Variants in TRRAP observed in about 807,000 individuals in gnomAD.
The protein encoded by TRRAP is transformation/transcription domain-associated protein.
A neutral mutation model predicts 438.8 loss-of-function variants in TRRAP; 41 were observed. That is an observed-to-expected ratio of 0.09 (90% CI 0.07 to 0.12). The LOEUF is 0.12. Among genes scored for constraint, TRRAP ranks in the 10% least tolerant of loss-of-function variants. The pLI, the probability that TRRAP is intolerant of heterozygous loss-of-function variation, is 1.00. For synonymous variants in TRRAP, 1,994 were observed against 1,962.9 expected (o/e 1.02, Z -0.42); for missense variants, 3,122 against 5,055.1 (o/e 0.62, Z 11.60).
At chr7:98,964,828 A>T in intron 48 of TRRAP, 53 bp downstream of exon 48, 1 of 1,561,950 alleles carries the variant, frequency 6.4e-7, no homozygotes, top group Non-Finnish European at 8.7e-7. Flanking sequence ...AACAGAGAAC[A>T]GACTCTGTTG....
At chr7:98,960,283 C>G (rs1475102217) in intron 45 of TRRAP, among the ~76,000 whole-genome samples, 1 of 152,100 alleles carries the variant, frequency 6.6e-6, no homozygotes, top group African/African-American at 2.4e-5. Flanking sequence ...AAACCATGAT[C>G]CTGTGCTTTT....
chr7:98,963,736 C>T (rs940931455), intron 47 of TRRAP, among the ~76,000 whole-genome samples: 3 of 152,128 alleles, frequency 2.0e-5, no homozygotes, highest in African/African-American at 7.2e-5. Context: ...CCTGAAATCA[C>T]CTCATAACTG....
chr7:98,941,800 A>G (rs538795957), intron 30 of TRRAP, among the ~76,000 whole-genome samples: 1 of 152,288 alleles, frequency 6.6e-6, no homozygotes, highest in East Asian at 1.9e-4. Flanking sequence ...TCGGTGTTTC[A>G]TGAAGACCAG....
chr7:98,950,711 A>G (rs1554418057), intron 38 of TRRAP, among the ~76,000 whole-genome samples, 165 bp from the exon 39 acceptor site: 2 of 152,186 alleles, frequency 1.3e-5, no homozygotes, highest in African/African-American at 2.4e-5. Flanking sequence ...TTTTTAACCT[A>G]CCTTTCTAGT....
At chr7:98,913,415 A>G (rs1334852888) in intron 18 of TRRAP, among the ~76,000 whole-genome samples, 1 of 151,696 alleles carries the variant, frequency 6.6e-6, no homozygotes, top group African/African-American at 2.4e-5. Flanking sequence ...CAGCTTCGCC[A>G]GTAACTGGGA....
intron 6 of TRRAP, among the ~76,000 whole-genome samples, 181 bp downstream of exon 6, chr7:98,894,062 C>T (rs999708844): frequency 6.6e-6 from 1 of 152,160 alleles, no homozygotes. Context: ...ATTATCAATA[C>T]TTTGCTAAAT....
At chr7:98,895,024 T>A (rs1796139971) in intron 6 of TRRAP, among the ~76,000 whole-genome samples, 1 of 152,172 alleles carries the variant, frequency 6.6e-6, no homozygotes, top group Non-Finnish European at 1.5e-5. Context: ...AGCTTGATCA[T>A]GTTAAGTGTA....
At chr7:98,926,834 G>A (rs1443944455) in intron 22 of TRRAP, among the ~76,000 whole-genome samples, 1 of 151,632 alleles carries the variant, frequency 6.6e-6, no homozygotes, top group African/African-American at 2.4e-5. Context: ...TGGCCAATAT[G>A]GTGAAGTCCC....
At chr7:98,918,973 T>C (rs1332432592) in intron 20 of TRRAP, among the ~76,000 whole-genome samples, 1 of 150,682 alleles carries the variant, frequency 6.6e-6, no homozygotes, top group Non-Finnish European at 1.5e-5. Context: ...GGAGAATCGC[T>C]TAAACTGTCT....
At chr7:98,886,129 A>G (rs1562924778) in intron 3 of TRRAP, among the ~76,000 whole-genome samples, 2 of 152,194 alleles carry the variant, frequency 1.3e-5, no homozygotes, top group Non-Finnish European at 2.9e-5. Flanking sequence ...TACTCCAAAT[A>G]CAAAAATCTA....
chr7:98,879,200 C>A (rs781888599), intron 1 of TRRAP, among the ~76,000 whole-genome samples: 34 of 152,118 alleles, frequency 2.2e-4, no homozygotes, highest in Non-Finnish European at 3.8e-4. Flanking sequence ...GGCGCCAGCC[C>A]GGCCTGGGCC....
In TRRAP at chr7:98,881,095, T is replaced by C; in HGVS notation, c.-56T>C. The C allele has an allele frequency of 8.8e-6, 13 of 1,470,142 alleles. No homozygotes were observed. Among genetic ancestry groups the C allele is most frequent in the Non-Finnish European group, 1.1e-5 (12 of 1,075,424 alleles). The allele number at this position is 1,470,142 out of a possible 1,614,324, so 91.1% of individuals were successfully genotyped here. On this transcript the variant is annotated 5_prime_UTR_variant, in exon 2 of 73. Coordinates refer to ENST00000456197, the MANE Select transcript of TRRAP (RefSeq NM_001375524.1). ...CTCTATGCTTCTTTTCATAGGCTGG[T>C]TGAACTCATGGACCTGATACTTTTC...
At chr7:98,921,384 GT>G (rs1319118372) in intron 20 of TRRAP, among the ~76,000 whole-genome samples, 1 of 151,326 alleles carries the variant, frequency 6.6e-6, no homozygotes, top group Non-Finnish European at 1.5e-5. Context: ...CACTTTGAGG[GT>G]TTTTTTTGAC....
At chr7:98,947,223 G>A (rs1277090679) in intron 33 of TRRAP, among the ~76,000 whole-genome samples, 1 of 152,162 alleles carries the variant, frequency 6.6e-6, no homozygotes, top group African/African-American at 2.4e-5. Context: ...TGGAGCAACA[G>A]CAGCCCACCC....
In TRRAP at chr7:98,986,757, C is replaced by G. The variant is rs534517915; in HGVS notation, c.9389+1713C>G. Among the ~76,000 whole-genome samples, 3 of 152,242 alleles carry G rather than the reference C, an allele frequency of 2.0e-5. No individual in the cohort carries two copies. In the South Asian group the frequency reaches 6.2e-4, roughly 32 times the overall value. Reference sequence around the variant, plus strand: ...TTGTTGCTCATACTTTTCACGTCTTCTAAGAAACCATACCCTAATCCAGGA... The same window carrying G: ...TTGTTGCTCATACTTTTCACGTCTTGTAAGAAACCATACCCTAATCCAGGA... On this transcript the variant is annotated intron_variant, in intron 62 of 72. Coordinates refer to ENST00000456197, the MANE Select transcript of TRRAP (RefSeq NM_001375524.1).
chr7:98,969,005 C>T (rs918391685), intron 51 of TRRAP, among the ~76,000 whole-genome samples: 3 of 152,178 alleles, frequency 2.0e-5, no homozygotes, highest in Admixed American at 1.3e-4. Flanking sequence ...CAAGAGTCCT[C>T]GACTCCCTCC....
In TRRAP at chr7:99,005,787, C is replaced by T. The variant is rs969178279; in HGVS notation, c.10753+439C>T. Among the ~76,000 whole-genome samples, 1 of 151,840 alleles carries T rather than the reference C, an allele frequency of 6.6e-6. No individual in the cohort carries two copies. The highest frequency in any genetic ancestry group is 2.4e-5 in the African/African-American group (1 of 41,326). On this transcript the variant is annotated intron_variant, in intron 69 of 72. Transcript: ENST00000456197. This position sits in a 1 kb window ranked among gnomAD's most constrained non-coding sequence, Gnocchi z 5.1. ...GGCCCAGGGAAGCCAAAAGATTGGA[C>T]ATCCCTGTTCTAAGGTCTTTTGCAC...
At chr7:98,999,286 T>C (rs1562978739) in intron 67 of TRRAP, 1 of 1,212,828 alleles carries the variant, frequency 8.2e-7, no homozygotes, top group African/African-American at 1.5e-5. Context: ...AGGAACAGTC[T>C]ACTATTAAAG....
At chr7:98,889,946 T>C (rs1795892704) in intron 3 of TRRAP, among the ~76,000 whole-genome samples, 1 of 152,176 alleles carries the variant, frequency 6.6e-6, no homozygotes, top group African/African-American at 2.4e-5. Context: ...TAGCACATAA[T>C]GAATATACAT....
Sources: gnomAD v4.1 joint callset for allele counts (sites outside exome capture counted in the v4.1 genomes callset) on GRCh38, gnomAD v4.1.1 for gene constraint, Gnocchi (gnomAD v3.1) non-coding constraint, MANE v1.5 for transcripts, NCBI Gene and HGNC (gene_info 2026-07-23, HGNC 2026-07-21) for gene names.